The following CSMD3 variants were observed in gnomAD, a reference collection of about 807,000 sequenced individuals.
CSMD3 encodes CUB and sushi domain-containing protein 3.
A neutral mutation model predicts 435.2 loss-of-function variants in CSMD3; 177 were observed. The ratio of observed to expected loss-of-function variants is 0.41; its 90% confidence interval spans 0.36 to 0.46. The LOEUF is 0.46. CSMD3 is among the 20% of genes least tolerant of loss of function. The pLI is 0.34. For missense variants in CSMD3, 4,265 were observed against 4,504.6 expected, an observed-to-expected ratio of 0.95 and a Z score of 1.52; for synonymous variants, 1,656 against 1,520.5, an observed-to-expected ratio of 1.09 and a Z score of -2.07.
intron 1 of CSMD3, among the ~76,000 whole-genome samples, chr8:113,430,834 TGCCGGCA>T (rs1333858960): frequency 6.6e-6 from 1 of 152,230 alleles, no homozygotes; most frequent in Non-Finnish European, 1.5e-5. Flanking sequence ...CAAATTAGGT[TGCCGGCA>T]ACGAATTATC....
intron 32 of CSMD3, among the ~76,000 whole-genome samples, chr8:112,428,395 CA>C (rs371738676): frequency 7.9e-5 from 12 of 151,982 alleles, no homozygotes; most frequent in African/African-American, 2.9e-4. Context: ...TTGGATATAC[CA>C]AACAACCATG....
At chr8:112,698,787 A>G (rs1796915200) in intron 13 of CSMD3, among the ~76,000 whole-genome samples, 2 of 152,150 alleles carry the variant, frequency 1.3e-5, no homozygotes, top group Non-Finnish European at 2.9e-5. Flanking sequence ...AAAGAGGTGA[A>G]AGGTGAAGCC....
chr8:112,538,998 C>T (rs1826402169), intron 27 of CSMD3: 1 of 152,890 alleles, frequency 6.5e-6, no homozygotes, highest in Non-Finnish European at 1.5e-5. Context: ...AACATAGATG[C>T]AAAGAGCCTC....
At position 112,975,909 on chromosome 8, in the gene CSMD3, T is replaced by G. The variant is rs747358013; in HGVS notation, c.1270A>C (p.Ser424Arg). Residue 424 changes from serine to arginine, a missense_variant, in exon 7 of 71, where the codon AGT becomes CGT. Around this residue, in one of 3 missense-constraint regions of CSMD3, gnomAD observed 731 missense variants for 755.4 expected, o/e 0.97. Transcript: ENST00000297405. ...GLSPHPADTQSTRRRPRHAEQ... is the reference protein window; with the variant it reads ...GLSPHPADTQRTRRRPRHAEQ... ...GCATGTCTTGGTCTTCTCCTGGTAC[T>G]TTGTGTATCTGCTGGATGAGGAGAG... 1 of 1,613,914 alleles carries G rather than the reference T, an allele frequency of 6.2e-7. No individual in the cohort carries two copies. The highest frequency in any genetic ancestry group is 8.5e-7 in the Non-Finnish European group (1 of 1,179,948).
chr8:113,218,241 A>T (rs2092928287), intron 3 of CSMD3, among the ~76,000 whole-genome samples: 1 of 150,904 alleles, frequency 6.6e-6, no homozygotes, highest in Non-Finnish European at 1.5e-5. Context: ...AGGCCTAAGA[A>T]AAGTAATACT....
At chr8:113,416,682 A>G (rs1191058216) in intron 1 of CSMD3, among the ~76,000 whole-genome samples, 1 of 152,104 alleles carries the variant, frequency 6.6e-6, no homozygotes, top group Non-Finnish European at 1.5e-5. Context: ...TTAACCAAGA[A>G]GTAAGTCAAA....
At chr8:112,640,713 G>A (rs2074800257) in intron 20 of CSMD3, among the ~76,000 whole-genome samples, 1 of 151,732 alleles carries the variant, frequency 6.6e-6, no homozygotes, top group Non-Finnish European at 1.5e-5. Context: ...ATACTAGACA[G>A]ATGAAAGGAA....
chr8:112,511,384 C>CTT (rs34548150), intron 28 of CSMD3, among the ~76,000 whole-genome samples: 46 of 72,362 alleles, frequency 6.4e-4, no homozygotes, highest in Non-Finnish European at 8.2e-4. Context: ...ATTTTCTTTT[C>CTT]TTTTTTTTTT....
intron 32 of CSMD3, among the ~76,000 whole-genome samples, chr8:112,444,649 G>C (rs148867992): frequency 6.6e-6 from 1 of 152,296 alleles, no homozygotes; most frequent in African/African-American, 2.4e-5. Flanking sequence ...TGGCATTCAG[G>C]AAAACATCAA....
At chr8:113,051,414 C>A (rs535758205) in intron 5 of CSMD3, among the ~76,000 whole-genome samples, 34 of 152,178 alleles carry the variant, frequency 2.2e-4, no homozygotes, top group African/African-American at 8.2e-4. Context: ...TCCATTCTGA[C>A]AACAATAATG....
intron 9 of CSMD3, among the ~76,000 whole-genome samples, chr8:112,945,622 G>GTGTA (rs1410350464): frequency 6.8e-6 from 1 of 147,854 alleles, no homozygotes; most frequent in Non-Finnish European, 1.5e-5. Context: ...GTGTGTGTGT[G>GTGTA]TGTATAATAT....
chr8:112,725,021 A>G (rs1196616857), intron 13 of CSMD3, among the ~76,000 whole-genome samples: 2 of 152,036 alleles, frequency 1.3e-5, no homozygotes, highest in East Asian at 3.9e-4. Context: ...TGTTTGGAAC[A>G]ATGGGTTTGG....
chr8:112,252,880 G>A (rs1362717224), intron 63 of CSMD3, among the ~76,000 whole-genome samples: 1 of 151,264 alleles, frequency 6.6e-6, no homozygotes, highest in Non-Finnish European at 1.5e-5. Flanking sequence ...TTTAATACCT[G>A]TTTATTACCC....
At chr8:113,070,069 C>T (rs190145053) in intron 5 of CSMD3, among the ~76,000 whole-genome samples, 1 of 152,102 alleles carries the variant, frequency 6.6e-6, no homozygotes, top group African/African-American at 2.4e-5. Context: ...TGATGGCTTT[C>T]ATTATCATTC....
intron 13 of CSMD3, among the ~76,000 whole-genome samples, chr8:112,754,005 G>A (rs1024654324): frequency 1.3e-5 from 2 of 152,232 alleles, no homozygotes; most frequent in Non-Finnish European, 2.9e-5. Flanking sequence ...GAGAAAGGCT[G>A]AATAAGAGAA....
At chr8:113,343,002 G>A (rs1317139509) in intron 1 of CSMD3, among the ~76,000 whole-genome samples, 1 of 151,892 alleles carries the variant, frequency 6.6e-6, no homozygotes, top group Non-Finnish European at 1.5e-5. Context: ...AAGGAGAAGA[G>A]GGAGAGGCAG....
chr8:113,134,316 T>C (rs920068278), intron 4 of CSMD3, among the ~76,000 whole-genome samples: 1 of 152,088 alleles, frequency 6.6e-6, no homozygotes, highest in Admixed American at 6.6e-5. Flanking sequence ...TTGAGGCTTT[T>C]ATTTTGATTT....
intron 5 of CSMD3, among the ~76,000 whole-genome samples, chr8:113,089,569 GATA>G (rs1564302080): frequency 6.6e-6 from 1 of 152,070 alleles, no homozygotes; most frequent in Non-Finnish European, 1.5e-5. Context: ...TTGCAAGAGA[GATA>G]ATAAAGGGAT....
intron 1 of CSMD3, among the ~76,000 whole-genome samples, chr8:113,416,423 C>T (rs572786073): frequency 1.8e-3 from 268 of 151,966 alleles, no homozygotes; most frequent in Non-Finnish European, 3.2e-3. Flanking sequence ...TTTTTAAAGT[C>T]GAAAACTTGG....
Sources: gnomAD v4.1 joint callset for allele counts (sites outside exome capture counted in the v4.1 genomes callset) on GRCh38, gnomAD v4.1.1 for gene constraint, gnomAD v4.1.1 regional missense constraint, MANE v1.5 for transcripts, NCBI Gene and HGNC (gene_info 2026-07-23, HGNC 2026-07-21) for gene names.